The following FSTL5 variants were observed in gnomAD, a reference collection of about 807,000 sequenced individuals.
FSTL5 encodes follistatin like 5.
A neutral mutation model predicts 89.1 loss-of-function variants in FSTL5; 62 were observed. The observed-to-expected ratio is 0.70, with a 90% CI of 0.57 to 0.86. FSTL5 has a LOEUF of 0.86. Ranked by LOEUF, FSTL5 falls within the 40% of genes least tolerant of loss-of-function variation. FSTL5 has a pLI of 0.00. For synonymous variants in FSTL5, 383 were observed against 346.2 expected (o/e 1.11, Z -1.18); for missense variants, 1,057 against 1,001.6 (o/e 1.06, Z -0.75).
At chr4:162,080,811 A>T (rs1002010163) in intron 2 of FSTL5, among the ~76,000 whole-genome samples, 1 of 151,618 alleles carries the variant, frequency 6.6e-6, no homozygotes, top group Non-Finnish European at 1.5e-5. Context: ...ACTATGCAGT[A>T]GATTAAATAC....
chr4:162,075,515 T>C (rs1339816657), intron 2 of FSTL5, among the ~76,000 whole-genome samples: 1 of 151,846 alleles, frequency 6.6e-6, no homozygotes, highest in African/African-American at 2.4e-5. Context: ...GTCATCAATG[T>C]TCATGAGTAT....
At chr4:162,099,285 T>TA (rs1730890919) in intron 2 of FSTL5, among the ~76,000 whole-genome samples, 2 of 152,080 alleles carry the variant, frequency 1.3e-5, no homozygotes, top group African/African-American at 2.4e-5. Context: ...CTAAAGTGTA[T>TA]AAAATGTCCA....
chr4:161,597,857 G>C (rs1734081661), intron 7 of FSTL5, among the ~76,000 whole-genome samples: 1 of 152,036 alleles, frequency 6.6e-6, no homozygotes, highest in Non-Finnish European at 1.5e-5. Context: ...TAGGCAAAAT[G>C]AGAATAGTGG....
chr4:161,972,429 T>C (rs1277245798), intron 3 of FSTL5, among the ~76,000 whole-genome samples: 1 of 152,170 alleles, frequency 6.6e-6, no homozygotes, highest in Non-Finnish European at 1.5e-5. Flanking sequence ...CATAACATTC[T>C]GATATCTGTC....
chr4:162,035,272 G>A (rs1269992781), intron 2 of FSTL5: 3 of 152,066 alleles, frequency 2.0e-5, no homozygotes, highest in Non-Finnish European at 2.9e-5. Context: ...GTGTCCTCAT[G>A]GAGCAGACTG....
At chr4:161,561,193 T>TA (rs1553997751) in intron 8 of FSTL5, among the ~76,000 whole-genome samples, 2 of 150,326 alleles carry the variant, frequency 1.3e-5, no homozygotes, top group African/African-American at 4.9e-5. Flanking sequence ...GTATTTTAGA[T>TA]GATAGATAGA....
chr4:161,799,089 G>C (rs967602126), intron 4 of FSTL5, among the ~76,000 whole-genome samples: 1 of 151,746 alleles, frequency 6.6e-6, no homozygotes, highest in Admixed American at 6.6e-5. Context: ...GAAACTAACT[G>C]TAATACATAC....
intron 4 of FSTL5, among the ~76,000 whole-genome samples, chr4:161,890,641 T>C (rs1399827013): frequency 6.8e-6 from 1 of 146,510 alleles, no homozygotes; most frequent in Non-Finnish European, 1.5e-5. Flanking sequence ...TGAGCCGAGA[T>C]TGCACCATTG....
intron 8 of FSTL5, among the ~76,000 whole-genome samples, chr4:161,582,819 T>C (rs1733480352): frequency 6.6e-6 from 1 of 152,148 alleles, no homozygotes; most frequent in African/African-American, 2.4e-5. Flanking sequence ...CAGAGAAATA[T>C]ATTGTGCCAT....
intron 4 of FSTL5, among the ~76,000 whole-genome samples, chr4:161,835,112 T>C (rs1248198348): frequency 6.8e-6 from 1 of 147,450 alleles, no homozygotes; most frequent in Non-Finnish European, 1.5e-5. Context: ...GAGATATAGA[T>C]CAATGGAACA....
intron 7 of FSTL5, among the ~76,000 whole-genome samples, chr4:161,642,314 C>A (rs1222140866): frequency 6.6e-6 from 1 of 152,112 alleles, no homozygotes; most frequent in African/African-American, 2.4e-5. Context: ...CAGAACTTAT[C>A]TTGCCTAAGT....
intron 13 of FSTL5, among the ~76,000 whole-genome samples, chr4:161,480,394 T>C (rs1394317839): frequency 6.6e-6 from 1 of 152,190 alleles, no homozygotes; most frequent in Non-Finnish European, 1.5e-5. Context: ...ACACCAACCC[T>C]GTACTTCACC....
intron 7 of FSTL5, among the ~76,000 whole-genome samples, chr4:161,638,442 TG>T (rs1735814488): frequency 6.6e-6 from 1 of 152,124 alleles, no homozygotes; most frequent in Non-Finnish European, 1.5e-5. Context: ...TTTTCCTAAT[TG>T]AATACCCTTT....
intron 6 of FSTL5, among the ~76,000 whole-genome samples, chr4:161,695,196 T>C (rs1038840478): frequency 6.6e-6 from 1 of 152,084 alleles, no homozygotes; most frequent in Non-Finnish European, 1.5e-5. Context: ...TTGTCTTTCA[T>C]CCCACACTCC....
At chr4:161,459,396 T>A in intron 13 of FSTL5, 77 bp from the exon 14 acceptor site, 20 of 754,888 alleles carry the variant, frequency 2.6e-5, no homozygotes, top group Non-Finnish European at 4.2e-5. Flanking sequence ...TTATGAAGAT[T>A]CTAATTTAGA....
chr4:161,659,099 T>C (rs1736623329), intron 6 of FSTL5, among the ~76,000 whole-genome samples: 1 of 152,132 alleles, frequency 6.6e-6, no homozygotes, highest in South Asian at 2.1e-4. Flanking sequence ...TAAAATGTAT[T>C]TTTTTAGAAG....
chr4:161,596,269 A>G (rs548436484), intron 7 of FSTL5, among the ~76,000 whole-genome samples: 8 of 151,872 alleles, frequency 5.3e-5, no homozygotes, highest in Non-Finnish European at 8.8e-5. Context: ...ATCATTTAAA[A>G]AACTGCTTTC....
intron 8 of FSTL5, among the ~76,000 whole-genome samples, chr4:161,555,029 C>T (rs918556793): frequency 1.3e-5 from 2 of 151,612 alleles, no homozygotes; most frequent in African/African-American, 4.8e-5. Flanking sequence ...GTCAATATTA[C>T]AAAACTCTCT....
chr4:161,496,601 T>C (rs775509679), intron 12 of FSTL5, among the ~76,000 whole-genome samples: 5 of 152,164 alleles, frequency 3.3e-5, no homozygotes, highest in African/African-American at 4.8e-5. Context: ...CTTCAACTCC[T>C]GTGTAGGTTT....
Sources: gnomAD v4.1 joint callset for allele counts (sites outside exome capture counted in the v4.1 genomes callset) on GRCh38, gnomAD v4.1.1 for gene constraint, MANE v1.5 for transcripts, NCBI Gene and HGNC (gene_info 2026-07-23, HGNC 2026-07-21) for gene names.